Variants in UMAD1 observed in about 807,000 individuals in gnomAD.
The protein encoded by UMAD1 is UBAP1-MVB12-associated (UMA) domain containing 1, also known as UBAP1-MVB12-associated (UMA)-domain containing protein 1.
A neutral mutation model predicts 6.1 loss-of-function variants in UMAD1; 8 were observed. The ratio of observed to expected loss-of-function variants is 1.30; its 90% confidence interval spans 0.76 to 2.35. The LOEUF (loss-of-function observed/expected upper bound fraction) is 2.35, where lower values mean the gene tolerates loss of function less well. Ranked by LOEUF, UMAD1 falls within the 30% of genes most tolerant of loss-of-function variation. The probability of loss-of-function intolerance (pLI) is 0.00; values close to 1 mark genes in which losing one functional copy is unlikely to be tolerated. For synonymous variants in UMAD1, 56 were observed against 31.4 expected, an observed-to-expected ratio of 1.78 and a Z score of -2.61; for missense variants, 130 against 78.4, an observed-to-expected ratio of 1.66 and a Z score of -2.49.
chr7:7,803,640 G>A (rs1205011514), intron 3 of UMAD1, among the ~76,000 whole-genome samples: 1 of 151,638 alleles, frequency 6.6e-6, no homozygotes, highest in Non-Finnish European at 1.5e-5. Context: ...TATTTCTTTA[G>A]TTCTGGAGGC....
chr7:7,667,997 AC>A (rs369329931), intron 1 of UMAD1, among the ~76,000 whole-genome samples: 110 of 151,360 alleles, frequency 7.3e-4, no homozygotes, highest in African/African-American at 2.6e-3. Flanking sequence ...GCTCACTTTC[AC>A]CCCCGCCTTC....
At chr7:7,842,249 C>A (rs1463983634) in intron 3 of UMAD1, among the ~76,000 whole-genome samples, 2 of 152,138 alleles carry the variant, frequency 1.3e-5, no homozygotes, top group African/African-American at 4.8e-5. Flanking sequence ...GATAACTCTG[C>A]CTTCTGCGCA....
chr7:7,685,821 T>C (rs1780030529), intron 2 of UMAD1: 1 of 152,254 alleles, frequency 6.6e-6, no homozygotes, highest in South Asian at 2.1e-4. Flanking sequence ...GATAGAATTA[T>C]GGTCTTACCT....
chr7:7,770,605 A>T (rs1036251373), intron 2 of UMAD1, among the ~76,000 whole-genome samples: 2 of 152,140 alleles, frequency 1.3e-5, no homozygotes, highest in African/African-American at 4.8e-5. Context: ...ATGGTGATGG[A>T]GAGGAGACAA....
At chr7:7,751,496 G>T (rs1175014354) in intron 2 of UMAD1, among the ~76,000 whole-genome samples, 1 of 152,198 alleles carries the variant, frequency 6.6e-6, no homozygotes, top group African/African-American at 2.4e-5. Context: ...AGCAATTCTA[G>T]CTTTGCAATG....
chr7:7,759,544 C>A (rs887135411), intron 2 of UMAD1, among the ~76,000 whole-genome samples: 8 of 152,014 alleles, frequency 5.3e-5, no homozygotes, highest in African/African-American at 1.9e-4. Context: ...CTCTTTTTTG[C>A]TTCGTACATA....
chr7:7,815,097 T>A (rs1329687456), intron 3 of UMAD1, among the ~76,000 whole-genome samples: 1 of 152,190 alleles, frequency 6.6e-6, no homozygotes, highest in African/African-American at 2.4e-5. Context: ...GACAAGTGCC[T>A]TTCTAACTTA....
Position 7,852,416 on chromosome 7 carries a change from C to G in UMAD1, c.157-24865C>G, listed in dbSNP as rs922713226. On this transcript the variant is annotated intron_variant, in intron 3 of 3. Transcript: ENST00000682710. ...TGTCAGATCCCACAGATTGTGGGCT[C>G]AATCCCCAAGATTGCCCCACACCTC... Among the ~76,000 whole-genome samples, 3 of 152,254 alleles carry G rather than the reference C, an allele frequency of 2.0e-5. No individual in the cohort carries two copies. The East Asian group carries it at 5.8e-4, about 29-fold the overall frequency.
intron 2 of UMAD1, among the ~76,000 whole-genome samples, chr7:7,695,667 A>G (rs1203835106): frequency 6.6e-6 from 1 of 152,218 alleles, no homozygotes; most frequent in Non-Finnish European, 1.5e-5. Flanking sequence ...GAATTAAAAA[A>G]GACATTGCTT....
chr7:7,646,685 A>C (rs1054662047), intron 1 of UMAD1, among the ~76,000 whole-genome samples: 1 of 151,754 alleles, frequency 6.6e-6, no homozygotes. Context: ...GGAGCTGGAG[A>C]GGGGATGGAG....
At chr7:7,665,604 A>G (rs1779423327) in intron 1 of UMAD1, among the ~76,000 whole-genome samples, 1 of 152,192 alleles carries the variant, frequency 6.6e-6, no homozygotes, top group African/African-American at 2.4e-5. Context: ...CTGCTGAAAC[A>G]GTCACTGCTG....
At chr7:7,673,698 T>G (rs1779668995) in intron 2 of UMAD1, among the ~76,000 whole-genome samples, 1 of 99,362 alleles carries the variant, frequency 1.0e-5, no homozygotes, top group Non-Finnish European at 2.1e-5. Context: ...TAAAATCACT[T>G]CTTTTTCCCC....
At chr7:7,812,801 C>CTTTT (rs71014718) in intron 3 of UMAD1, among the ~76,000 whole-genome samples, 2 of 143,800 alleles carry the variant, frequency 1.4e-5, no homozygotes, top group South Asian at 2.2e-4. Context: ...ACACAGCCAT[C>CTTTT]TTTTTTTTTT....
intron 1 of UMAD1, among the ~76,000 whole-genome samples, chr7:7,654,519 G>C (rs1169743886): frequency 6.6e-6 from 1 of 152,150 alleles, no homozygotes; most frequent in African/African-American, 2.4e-5. Context: ...TTATTAAATG[G>C]TATAGTATTT....
Position 7,878,781 on chromosome 7 carries a change from A to T in UMAD1, c.*1243A>T, listed in dbSNP as rs1378844911. Reference sequence around the variant, plus strand: ...AAGTATTATGCATGTTTGTTTAATAAATGTGGCATGGTTTTAATACAAATG... The same window carrying T: ...AAGTATTATGCATGTTTGTTTAATATATGTGGCATGGTTTTAATACAAATG... On this transcript the variant is annotated 3_prime_UTR_variant, in exon 4 of 4. Coordinates refer to ENST00000682710, the MANE Select transcript of UMAD1 (RefSeq NM_001302348.2). The T allele has an allele frequency of 6.6e-6, 1 of 152,236 alleles. No homozygotes were observed. 9.4% of individuals were successfully genotyped at this position (152,236 alleles called of 1,614,324 possible).
chr7:7,672,260 G>T (rs1779625222), intron 1 of UMAD1, among the ~76,000 whole-genome samples: 1 of 152,144 alleles, frequency 6.6e-6, no homozygotes, highest in South Asian at 2.1e-4. Context: ...GTCCTTGCAA[G>T]TACCCTTCAA....
In UMAD1 at chr7:7,683,774, C is replaced by T. The variant is rs534111934; in HGVS notation, c.82+10321C>T. On this transcript the variant is annotated intron_variant, in intron 2 of 3. Coordinates refer to ENST00000682710, the MANE Select transcript of UMAD1 (RefSeq NM_001302348.2). ...AGTAGCTGGGATTACAGGCATGCAC[C>T]ACCACACCTGCCTAATTTTTGTATT... Among the ~76,000 whole-genome samples, 163 of 152,260 alleles carry T rather than the reference C, an allele frequency of 1.1e-3. No individual in the cohort carries two copies. The Middle Eastern group carries it at 0.014, about 13-fold the overall frequency.
At chr7:7,686,570 A>G (rs551557111) in intron 2 of UMAD1, among the ~76,000 whole-genome samples, 1 of 152,340 alleles carries the variant, frequency 6.6e-6, no homozygotes, top group South Asian at 2.1e-4. Context: ...GTATACTCAT[A>G]CGAGGTTGAC....
intron 3 of UMAD1, among the ~76,000 whole-genome samples, chr7:7,873,161 G>C (rs145367978): frequency 6.6e-6 from 1 of 152,110 alleles, no homozygotes; most frequent in Admixed American, 6.5e-5. Context: ...GGAAACTGAG[G>C]CACGGAGAAG....
Sources: allele counts gnomAD v4.1 joint callset (sites outside exome capture counted in the v4.1 genomes callset), GRCh38; gene constraint gnomAD v4.1.1; transcripts MANE v1.5; gene names NCBI Gene and HGNC (gene_info 2026-07-23, HGNC 2026-07-21).